The following MROH9 variants were observed in gnomAD, a reference collection of about 807,000 sequenced individuals.
The protein encoded by MROH9 is maestro heat like repeat family member 9.
In MROH9, 92 loss-of-function variants were observed where a neutral mutation model predicts 98.2. The observed-to-expected ratio is 0.94, with a 90% CI of 0.79 to 1.11. The LOEUF is 1.11. Ranked by LOEUF, MROH9 falls within the 50% of genes most tolerant of loss-of-function variation. The pLI is 0.00. For synonymous variants in MROH9, 397 were observed against 368.9 expected (o/e 1.08, Z -0.87); for missense variants, 1,057 against 1,014.8 (o/e 1.04, Z -0.57).
chr1:171,064,103 T>C lies in MROH9; in HGVS notation c.2349T>C (p.Ile783=). The C allele has an allele frequency of 6.5e-7, 1 of 1,534,970 alleles. No homozygotes were observed. ...AAGTCTCTTCTGATATTACAGTTAT[T>C]GAACGACTGCTCCGAGATGAAGACC... is the stretch of plus-strand genomic sequence containing the variant. ...RDEIEVMLDV[I]ERLLRDEDPM... The change falls in exon 22 of 22, where the codon ATT becomes ATC. Residue 783 remains isoleucine, a synonymous_variant. Coordinates refer to ENST00000367759, the MANE Select transcript of MROH9 (RefSeq NM_001163629.2).
chr1:171,000,057 G>A (rs1354727553), intron 15 of MROH9, among the ~76,000 whole-genome samples: 1 of 151,922 alleles, frequency 6.6e-6, no homozygotes, highest in Non-Finnish European at 1.5e-5. Flanking sequence ...TGATTTGTTT[G>A]AGTTCATTGT....
intron 15 of MROH9, among the ~76,000 whole-genome samples, chr1:170,999,241 G>T (rs1651699770): frequency 6.6e-6 from 1 of 151,948 alleles, no homozygotes; most frequent in Non-Finnish European, 1.5e-5. Context: ...GTGGTGATTT[G>T]TGAGATTTTG....
intron 1 of MROH9, among the ~76,000 whole-genome samples, chr1:170,941,917 C>T (rs546272811): frequency 6.6e-6 from 1 of 152,286 alleles, no homozygotes; most frequent in Admixed American, 6.5e-5. Flanking sequence ...ACAGGTCTGG[C>T]ATTCCTAACT....
chr1:170,968,917 A>T (rs888048322), intron 7 of MROH9, among the ~76,000 whole-genome samples: 16 of 152,208 alleles, frequency 1.1e-4, no homozygotes, highest in African/African-American at 3.9e-4. Context: ...TTGATTTTCA[A>T]CTTTTAGAAT....
chr1:171,023,215 GT>G (rs1652574433), intron 17 of MROH9, among the ~76,000 whole-genome samples: 1 of 152,108 alleles, frequency 6.6e-6, no homozygotes, highest in African/African-American at 2.4e-5. Context: ...GTGAGACCCT[GT>G]CTCTAATAAA....
Position 170,959,516 on chromosome 1 carries a change from C to A in MROH9, c.207C>A (p.Ser69=). 1.9e-6 allele frequency: 3 copies of A among 1,613,358 alleles called. No homozygotes were observed. The highest frequency in any genetic ancestry group is 2.5e-6 in the Non-Finnish European group (3 of 1,179,584). ...FESQLKIIES[S]FGMLVVMPSL... is the part of the protein sequence containing the mutation. ...CTCAGTTGAAGATAATAGAGTCATCCTTTGGAATGCTAGTTGTCATGCCAA... is the reference window on the plus strand; with the variant it reads ...CTCAGTTGAAGATAATAGAGTCATCATTTGGAATGCTAGTTGTCATGCCAA... Residue 69 remains serine (S), a synonymous_variant, in exon 5 of 22, where the codon TCC becomes TCA. Transcript: ENST00000367759.
chr1:171,041,347 A>ATGTGTGTG (rs377650131), intron 20 of MROH9, among the ~76,000 whole-genome samples: 2,319 of 80,554 alleles, frequency 0.029, 69 homozygotes, highest in Middle Eastern at 0.054. Flanking sequence ...GTATTCCATG[A>ATGTGTGTG]TGTGTGTGTG....
chr1:171,000,200 T>C (rs760501266), intron 15 of MROH9, among the ~76,000 whole-genome samples: 1 of 152,174 alleles, frequency 6.6e-6, no homozygotes, highest in African/African-American at 2.4e-5. Context: ...AGGTCTCAGC[T>C]ATTTATTTTT....
chr1:170,961,526 C>A (rs940961482), intron 5 of MROH9, among the ~76,000 whole-genome samples: 29 of 152,040 alleles, frequency 1.9e-4, no homozygotes, highest in Non-Finnish European at 3.7e-4. Flanking sequence ...CATGGAAAAT[C>A]AAGTTTTTAT....
At chr1:170,994,078 C>T (rs546400189) in intron 12 of MROH9, among the ~76,000 whole-genome samples, 8 of 152,114 alleles carry the variant, frequency 5.3e-5, no homozygotes, top group Non-Finnish European at 7.4e-5. Context: ...GTAAGCATTG[C>T]GCTTATACAT....
At chr1:171,023,905 G>A (rs1440655977) in intron 17 of MROH9, among the ~76,000 whole-genome samples, 1 of 152,016 alleles carries the variant, frequency 6.6e-6, no homozygotes, top group Non-Finnish European at 1.5e-5. Context: ...CTCCCCCAGT[G>A]CCTCCCACCA....
chr1:170,996,546 T>C lies in MROH9; in HGVS notation c.1377T>C (p.Ser459=). The part of the protein sequence containing the change: ...QDALRVLLNC[S]GLQQVDITLM... ...CCCTGAGAGTTCTGCTGAATTGTTC[T>C]GGACTGCAACAGGTGGATATTACTC... is the stretch of plus-strand genomic sequence containing the variant. Residue 459 remains serine, a synonymous_variant, in exon 14 of 22, where the codon TCT becomes TCC. Transcript: ENST00000367759. The C allele has an allele frequency of 6.2e-7, 1 of 1,613,656 alleles. No individual in the cohort carries two copies. The highest frequency in any genetic ancestry group is 8.5e-7 in the Non-Finnish European group (1 of 1,179,702).
At chr1:171,055,060 C>T (rs72712623) in intron 20 of MROH9, among the ~76,000 whole-genome samples, 22,211 of 150,564 alleles carry the variant, frequency 0.15, 1,947 homozygotes, top group African/African-American at 0.24. Context: ...CACTTGCACA[C>T]GCATGTTTAT....
At chr1:171,017,814 G>A (rs1425012297) in intron 17 of MROH9, among the ~76,000 whole-genome samples, 1 of 152,110 alleles carries the variant, frequency 6.6e-6, no homozygotes, top group African/African-American at 2.4e-5. Context: ...GGCTTGACCT[G>A]GACCCATCCC....
chr1:170,943,507 A>G (rs1649201909), intron 1 of MROH9, among the ~76,000 whole-genome samples: 2 of 152,028 alleles, frequency 1.3e-5, no homozygotes, highest in African/African-American at 4.8e-5. Flanking sequence ...GAACATATAG[A>G]TTCAAAAGCA....
At chr1:171,019,599 C>T (rs953792448) in intron 17 of MROH9, among the ~76,000 whole-genome samples, 4 of 150,984 alleles carry the variant, frequency 2.6e-5, no homozygotes, top group African/African-American at 9.8e-5. Flanking sequence ...TGCAGTCAGC[C>T]GAGATCACAC....
chr1:171,017,484 A>G (rs553101564), intron 17 of MROH9, among the ~76,000 whole-genome samples: 85 of 152,362 alleles, frequency 5.6e-4, no homozygotes, highest in Admixed American at 1.4e-3. Context: ...GGAGCTGCAC[A>G]GATTCTCAAC....
chr1:171,061,165 T>C (rs1433831797), intron 20 of MROH9, among the ~76,000 whole-genome samples: 1 of 152,124 alleles, frequency 6.6e-6, no homozygotes, highest in African/African-American at 2.4e-5. Flanking sequence ...AAAATTACAA[T>C]GTGATATTAT....
intron 20 of MROH9, among the ~76,000 whole-genome samples, chr1:171,042,502 C>A (rs1208281483): frequency 6.6e-6 from 1 of 152,008 alleles, no homozygotes; most frequent in African/African-American, 2.4e-5. Context: ...GGGTATATAC[C>A]CAGCAGTGGA....
Sources: allele counts gnomAD v4.1 joint callset (sites outside exome capture counted in the v4.1 genomes callset), GRCh38; gene constraint gnomAD v4.1.1; transcripts MANE v1.5; gene names NCBI Gene and HGNC (gene_info 2026-07-23, HGNC 2026-07-21).